The following CAMK4 variants were observed in gnomAD, a reference collection of about 807,000 sequenced individuals.
CAMK4 encodes calcium/calmodulin-dependent protein kinase type IV.
Under a neutral mutation model 44.9 loss-of-function variants are expected in CAMK4, and 22 were observed. The ratio of observed to expected loss-of-function variants is 0.49; its 90% CI spans 0.35 to 0.70. The LOEUF (loss-of-function observed/expected upper bound fraction) is 0.70, where lower values mean the gene tolerates loss of function less well. Ranked by LOEUF, CAMK4 falls within the 30% of genes least tolerant of loss-of-function variation. The probability of loss-of-function intolerance (pLI) is 0.01; values close to 1 mark genes in which losing one functional copy is unlikely to be tolerated. For synonymous variants in CAMK4, 218 were observed against 215.4 expected, an observed-to-expected ratio of 1.01 and a Z score of -0.11; for missense variants, 498 against 586.8, an observed-to-expected ratio of 0.85 and a Z score of 1.56.
chr5:111,446,806 C>T, intron 6 of CAMK4, 30 bp downstream of exon 6: 1 of 1,398,050 alleles, frequency 7.2e-7, no homozygotes. Context: ...TTTTGTGACC[C>T]CTTTTTTCAG....
chr5:111,357,299 A>T (rs925477559), intron 2 of CAMK4, among the ~76,000 whole-genome samples: 2 of 152,034 alleles, frequency 1.3e-5, no homozygotes, highest in African/African-American at 2.4e-5. Flanking sequence ...GCACTAGGAA[A>T]GTTGAGAGAA....
intron 5 of CAMK4, among the ~76,000 whole-genome samples, chr5:111,404,269 T>G (rs1331051604): frequency 6.6e-6 from 1 of 152,238 alleles, no homozygotes; most frequent in African/African-American, 2.4e-5. Context: ...GTATTATAAT[T>G]GGGCCCTAAA....
chr5:111,244,454 C>T (rs1749143559), intron 1 of CAMK4, among the ~76,000 whole-genome samples: 1 of 152,188 alleles, frequency 6.6e-6, no homozygotes, highest in African/African-American at 2.4e-5. Context: ...TTTGCATTGT[C>T]TTCTGGTCTA....
chr5:111,348,520 G>C (rs1349152143), intron 2 of CAMK4, among the ~76,000 whole-genome samples: 1 of 151,568 alleles, frequency 6.6e-6, no homozygotes, highest in Non-Finnish European at 1.5e-5. Flanking sequence ...TTTATAAATG[G>C]GTATAACATC....
chr5:111,420,352 G>A (rs911649007), intron 5 of CAMK4, among the ~76,000 whole-genome samples: 2 of 151,888 alleles, frequency 1.3e-5, no homozygotes, highest in African/African-American at 2.4e-5. Flanking sequence ...GAGACAATGG[G>A]GTTTTCTAGA....
intron 1 of CAMK4, among the ~76,000 whole-genome samples, chr5:111,258,138 C>T (rs989016505): frequency 6.6e-6 from 1 of 152,206 alleles, no homozygotes; most frequent in African/African-American, 2.4e-5. Flanking sequence ...CCCACACACT[C>T]TGCAGTGTAT....
intron 1 of CAMK4, among the ~76,000 whole-genome samples, chr5:111,309,188 T>G (rs1748092328): frequency 6.6e-6 from 1 of 152,202 alleles, no homozygotes; most frequent in Admixed American, 6.5e-5. Context: ...ATTGTTGTGC[T>G]TTGCAACTTG....
At chr5:111,354,107 A>G (rs751523020) in intron 2 of CAMK4, among the ~76,000 whole-genome samples, 19 of 152,136 alleles carry the variant, frequency 1.2e-4, no homozygotes, top group Non-Finnish European at 2.4e-4. Context: ...AACCTTAAGA[A>G]GGAAAAAATA....
chr5:111,421,409 A>G (rs1408707409), intron 5 of CAMK4, among the ~76,000 whole-genome samples: 1 of 152,204 alleles, frequency 6.6e-6, no homozygotes, highest in East Asian at 1.9e-4. Flanking sequence ...GAGCAATAAG[A>G]GTGCTAGTTT....
At chr5:111,230,454 A>G (rs1748414353) in intron 1 of CAMK4, among the ~76,000 whole-genome samples, 1 of 152,224 alleles carries the variant, frequency 6.6e-6, no homozygotes, top group Admixed American at 6.5e-5. Flanking sequence ...TACTCACTGT[A>G]AAAACCTTAA....
chr5:111,240,146 T>C (rs2112516023), intron 1 of CAMK4, among the ~76,000 whole-genome samples: 1 of 152,268 alleles, frequency 6.6e-6, no homozygotes, highest in Admixed American at 6.5e-5. Context: ...ATCTTTTTGT[T>C]GCTTTGAGGT....
At chr5:111,473,909 T>G (rs1755150029) in intron 8 of CAMK4, among the ~76,000 whole-genome samples, 1 of 152,148 alleles carries the variant, frequency 6.6e-6, no homozygotes, top group Non-Finnish European at 1.5e-5. Context: ...CACAAATTTC[T>G]TGGGAAAAAA....
At chr5:111,318,593 T>G (rs970036786) in intron 1 of CAMK4, among the ~76,000 whole-genome samples, 3 of 152,134 alleles carry the variant, frequency 2.0e-5, no homozygotes, top group Admixed American at 6.6e-5. Context: ...CCTAGGCAAT[T>G]CAACTTAGAC....
At chr5:111,381,547 C>T (rs975590211) in intron 4 of CAMK4, among the ~76,000 whole-genome samples, 29 of 152,118 alleles carry the variant, frequency 1.9e-4, no homozygotes, top group Admixed American at 1.6e-3. Context: ...GTTCTTCTGC[C>T]TGCTTTTATC....
At chr5:111,334,798 C>T (rs972275379) in intron 1 of CAMK4, among the ~76,000 whole-genome samples, 4 of 119,438 alleles carry the variant, frequency 3.3e-5, no homozygotes, top group Non-Finnish European at 5.5e-5. Flanking sequence ...CTTTAACAAT[C>T]AAATGCAAAA....
chr5:111,482,457 AGCCCAGAATTATTT>A lies in CAMK4; in HGVS notation c.829-327_829-314del, dbSNP rs1375442177. ...TGAATTCTAGGTGATTGTGAAGCGCAGCCCAGAATTATTTTGCTGGTTCTGCCTTCAAAGAACTT... is the reference window on the plus strand; with the variant it reads ...TGAATTCTAGGTGATTGTGAAGCGCATGCTGGTTCTGCCTTCAAAGAACTT... On this transcript the variant is annotated intron_variant, in intron 9 of 10. Transcript: ENST00000282356. This position sits in a 1 kb window ranked among gnomAD's most constrained non-coding sequence, Gnocchi z 4.9. The A allele has an allele frequency of 2.1e-5, 4 of 192,638 alleles. No individual in the cohort carries two copies. Among genetic ancestry groups the A allele is most frequent in the Middle Eastern group, 2.0e-3 (1 of 506 alleles). 11.9% of individuals were successfully genotyped at this position (192,638 alleles called of 1,614,324 possible). A position where few individuals can be genotyped will look rare whatever the true frequency, so the allele number is the denominator to read the frequency against.
intron 4 of CAMK4, among the ~76,000 whole-genome samples, chr5:111,381,916 T>A (rs1449858942): frequency 1.0e-5 from 1 of 99,552 alleles, no homozygotes; most frequent in African/African-American, 4.0e-5. Context: ...ATACTCACTA[T>A]GCAAATATGA....
intron 2 of CAMK4, among the ~76,000 whole-genome samples, chr5:111,370,105 T>C (rs1750946774): frequency 6.6e-6 from 1 of 152,110 alleles, no homozygotes; most frequent in African/African-American, 2.4e-5. Flanking sequence ...TGAGAAATGA[T>C]GATGTGGAGT....
chr5:111,431,726 A>G (rs1753449192), intron 5 of CAMK4, among the ~76,000 whole-genome samples: 1 of 152,204 alleles, frequency 6.6e-6, no homozygotes, highest in South Asian at 2.1e-4. Context: ...TTCTCAAAAG[A>G]AGACATACAA....
Sources: allele counts gnomAD v4.1 joint callset (sites outside exome capture counted in the v4.1 genomes callset), GRCh38; gene constraint gnomAD v4.1.1; non-coding constraint Gnocchi (gnomAD v3.1); transcripts MANE v1.5; gene names NCBI Gene and HGNC (gene_info 2026-07-23, HGNC 2026-07-21).